The following ANK3 variants were observed in gnomAD, a reference collection of about 807,000 sequenced individuals.
The protein encoded by ANK3 is ankyrin 3.
A neutral mutation model predicts 370.9 loss-of-function variants in ANK3; 57 were observed. The ratio of observed to expected loss-of-function variants is 0.15; its 90% CI spans 0.12 to 0.19. ANK3 has a LOEUF of 0.19. Ranked by LOEUF, ANK3 falls within the 10% of genes least tolerant of loss-of-function variation. The probability of loss-of-function intolerance (pLI) is 1.00; values close to 1 mark genes in which losing one functional copy is unlikely to be tolerated. For synonymous variants in ANK3, 1,929 were observed against 1,946.3 expected, an observed-to-expected ratio of 0.99 and a Z score of 0.23; for missense variants, 4,439 against 5,302.1, an observed-to-expected ratio of 0.84 and a Z score of 5.06.
rs115583327 is a variant in ANK3 at position 60,095,221 on chromosome 10, A to G, written c.3329-6863T>C. Among the ~76,000 whole-genome samples, 192 of 152,364 alleles carry G rather than the reference A, an allele frequency of 1.3e-3. 1 individual carries two copies. Among genetic ancestry groups the G allele is most frequent in the African/African-American group, 4.1e-3 (172 of 41,590 alleles). ...TTAAATTAAATGATGTTTGATATTG[A>G]GACCCGGCACACAGCAGGTGCTAAA... On this transcript the variant is annotated intron_variant, in intron 28 of 43. Coordinates refer to ENST00000280772, the MANE Select transcript of ANK3 (RefSeq NM_020987.5).
chr10:60,537,886 G>C (rs1407714627), intron 2 of ANK3, among the ~76,000 whole-genome samples: 1 of 151,768 alleles, frequency 6.6e-6, no homozygotes, highest in Non-Finnish European at 1.5e-5. Context: ...CTTTGTCACT[G>C]TTTCATTTGT....
At chr10:60,263,319 G>A (rs985437157) in intron 6 of ANK3, among the ~76,000 whole-genome samples, 4 of 152,142 alleles carry the variant, frequency 2.6e-5, no homozygotes, top group East Asian at 1.9e-4. Flanking sequence ...GCTACGCAAC[G>A]GCCTAGTCCA....
intron 1 of ANK3, among the ~76,000 whole-genome samples, chr10:60,382,577 A>G (rs943688890): frequency 6.6e-6 from 1 of 152,094 alleles, no homozygotes; most frequent in African/African-American, 2.4e-5. Flanking sequence ...TAAGTACCAG[A>G]AAAAACTCTG....
In ANK3 at chr10:60,063,257, G is replaced by A; in HGVS notation, c.12452-3C>T. On this transcript the variant is annotated splice_polypyrimidine_tract_variant and splice_region_variant and intron_variant, in intron 39 of 43. Transcript: ENST00000280772. ...CAAGACCGAAGTTAAGGCATCAGCT[G>A]AAAAGGAGAAAAAAAGGTTGAAAAC... The A allele has an allele frequency of 6.2e-7, 1 of 1,600,696 alleles. No individual in the cohort carries two copies.
chr10:60,042,926 A>G, intron 42 of ANK3, 167 bp from the exon 43 acceptor site: 1 of 1,420,552 alleles, frequency 7.0e-7, no homozygotes. Flanking sequence ...CACACAGTTT[A>G]GCATCATCAA....
At chr10:60,050,492 T>C (rs183578886) in intron 42 of ANK3, among the ~76,000 whole-genome samples, 2 of 152,314 alleles carry the variant, frequency 1.3e-5, no homozygotes, top group East Asian at 3.9e-4. Flanking sequence ...CTTGACACTT[T>C]GGGATTGGTT....
At chr10:60,674,400 G>A (rs906242736) in intron 1 of ANK3, among the ~76,000 whole-genome samples, 1 of 152,078 alleles carries the variant, frequency 6.6e-6, no homozygotes, top group Non-Finnish European at 1.5e-5. Context: ...AAGGTAAAGG[G>A]AAAAACAGGC....
In ANK3 at chr10:60,432,841, G is replaced by A. The variant is rs1299986048; in HGVS notation, c.97-153202C>T. Among the ~76,000 whole-genome samples the A allele has an allele frequency of 3.3e-5, 5 of 152,142 alleles. No homozygotes were observed. In the South Asian group the frequency reaches 8.3e-4, roughly 25 times the overall value. ...AGTGAAATTATCCCACTGTGGCTCT[G>A]CTGCTGTTCTGAGAAAGTCATTTAC... On this transcript the variant is annotated intron_variant, in intron 2 of 43. Transcript: ENST00000373827.
chr10:60,177,224 C>T (rs1424711303), intron 18 of ANK3, among the ~76,000 whole-genome samples: 1 of 152,126 alleles, frequency 6.6e-6, no homozygotes, highest in Non-Finnish European at 1.5e-5. Flanking sequence ...GAGTGGATCC[C>T]GAGGGTTTTG....
chr10:60,356,237 A>G (rs2057717748), intron 1 of ANK3, among the ~76,000 whole-genome samples: 1 of 152,226 alleles, frequency 6.6e-6, no homozygotes, highest in Non-Finnish European at 1.5e-5. Context: ...GTTGTTAAAC[A>G]CAATTTTCAC....
At chr10:60,224,695 C>T (rs899485014) in intron 8 of ANK3, among the ~76,000 whole-genome samples, 4 of 151,988 alleles carry the variant, frequency 2.6e-5, no homozygotes, top group African/African-American at 9.7e-5. Context: ...AAACTCCTCA[C>T]TCTAGAGAAA....
intron 2 of ANK3, among the ~76,000 whole-genome samples, chr10:60,530,577 C>A (rs946565094): frequency 6.6e-6 from 1 of 152,022 alleles, no homozygotes; most frequent in African/African-American, 2.4e-5. Context: ...TGAGAGTGGG[C>A]GCCTCTGTAA....
chr10:60,196,060 C>A, intron 16 of ANK3, 85 bp downstream of exon 16: 1 of 1,205,718 alleles, frequency 8.3e-7, no homozygotes, highest in Non-Finnish European at 1.2e-6. Context: ...TAGGAGGGTG[C>A]TCCTGCTGAA....
chr10:60,669,066 A>G (rs540485984), intron 1 of ANK3, among the ~76,000 whole-genome samples: 1 of 152,182 alleles, frequency 6.6e-6, no homozygotes, highest in Admixed American at 6.5e-5. Context: ...CTTCACTGTG[A>G]TCTCCAGGTT....
intron 1 of ANK3, among the ~76,000 whole-genome samples, chr10:60,303,902 G>T (rs1472741338): frequency 6.6e-6 from 1 of 151,560 alleles, no homozygotes; most frequent in Non-Finnish European, 1.5e-5. Context: ...GTGTGTGTGT[G>T]TGTGTGTATA....
At chr10:60,188,502 T>C (rs1218892796) in intron 16 of ANK3, among the ~76,000 whole-genome samples, 1 of 152,188 alleles carries the variant, frequency 6.6e-6, no homozygotes, top group Non-Finnish European at 1.5e-5. Context: ...ATCCAAATCT[T>C]GACAATGGAT....
Position 60,063,234 on chromosome 10 carries a change from A to C in ANK3, c.12472T>G (p.Leu4158Val). ...ATATCTATTCGATTAATTTTTGTCA[A>C]GACCGAAGTTAAGGCATCAGCTGAA... ...NATTDALTSV[L>V]TKINRIDIVT... Residue 4158 changes from leucine to valine, a missense_variant, in exon 40 of 44, where the codon TTG becomes GTG. Around this residue, in one of 13 missense-constraint regions of ANK3, gnomAD observed 99 missense variants for 150.7 expected, o/e 0.66. Transcript: ENST00000280772. 6.2e-7 allele frequency: 1 copy of C among 1,607,822 alleles called. No homozygotes were observed. The highest frequency in any genetic ancestry group is 8.5e-7 in the Non-Finnish European group (1 of 1,178,084).
chr10:60,543,801 C>T (rs1595244550), intron 2 of ANK3, among the ~76,000 whole-genome samples: 1 of 152,030 alleles, frequency 6.6e-6, no homozygotes, highest in East Asian at 1.9e-4. Flanking sequence ...TACTTAATTA[C>T]AATTGTCAAA....
chr10:60,065,264 A>G (rs536090446), intron 38 of ANK3, among the ~76,000 whole-genome samples: 1 of 152,338 alleles, frequency 6.6e-6, no homozygotes, highest in Admixed American at 6.5e-5. Context: ...TGATCTCACT[A>G]TTAGTGGCTG....
Sources: allele counts gnomAD v4.1 joint callset (sites outside exome capture counted in the v4.1 genomes callset), GRCh38; gene constraint gnomAD v4.1.1; regional missense constraint gnomAD v4.1.1; transcripts MANE v1.5; gene names NCBI Gene and HGNC (gene_info 2026-07-23, HGNC 2026-07-21).